GRID2: variants seen among roughly 807,000 people sequenced by gnomAD.
GRID2 encodes glutamate receptor ionotropic, delta-2.
Under a neutral mutation model 114.8 loss-of-function variants are expected in GRID2, and 33 were observed. The observed-to-expected ratio is 0.29, with a 90% CI of 0.22 to 0.38. The LOEUF is 0.38. GRID2 is among the 10% of genes least tolerant of loss of function. The pLI, the probability that GRID2 is intolerant of heterozygous loss-of-function variation, is 1.00. For synonymous variants in GRID2, 505 were observed against 449.9 expected (o/e 1.12, Z -1.55); for missense variants, 1,184 against 1,257.7 (o/e 0.94, Z 0.89).
chr4:93,586,900 C>T (rs946322559), intron 13 of GRID2, among the ~76,000 whole-genome samples: 2 of 151,960 alleles, frequency 1.3e-5, no homozygotes, highest in African/African-American at 4.8e-5. Flanking sequence ...ACATATGTAC[C>T]CTTTTAAAAA....
At chr4:92,744,445 G>A (rs112965967) in intron 2 of GRID2, among the ~76,000 whole-genome samples, 164 of 148,446 alleles carry the variant, frequency 1.1e-3, no homozygotes, top group African/African-American at 4.0e-3. Context: ...CTGAGATCAC[G>A]CTACTGCACT....
intron 14 of GRID2, among the ~76,000 whole-genome samples, chr4:93,725,493 A>C: frequency 6.6e-6 from 1 of 152,094 alleles, no homozygotes; most frequent in Admixed American, 6.5e-5. Flanking sequence ...CTTTGGGTAT[A>C]TACCCAGTAA....
chr4:92,550,318 T>G (rs2149172054), intron 1 of GRID2, among the ~76,000 whole-genome samples: 1 of 152,286 alleles, frequency 6.6e-6, no homozygotes, highest in Admixed American at 6.5e-5. Flanking sequence ...TAGAATAATT[T>G]CCATCTACAA....
intron 2 of GRID2, among the ~76,000 whole-genome samples, chr4:92,859,797 G>A (rs150490475): frequency 5.1e-4 from 77 of 152,232 alleles, no homozygotes; most frequent in African/African-American, 1.8e-3. Context: ...TCAGATAGCA[G>A]CAACTTGCCT....
chr4:92,564,274 C>G (rs1010275099), intron 1 of GRID2, among the ~76,000 whole-genome samples: 2 of 151,792 alleles, frequency 1.3e-5, no homozygotes, highest in African/African-American at 4.8e-5. Context: ...CATAGTCATA[C>G]CCATATGAAA....
chr4:92,429,764 A>C (rs1288317720), intron 1 of GRID2, among the ~76,000 whole-genome samples: 1 of 152,092 alleles, frequency 6.6e-6, no homozygotes, highest in African/African-American at 2.4e-5. Context: ...GCCAGCATTC[A>C]TTATTGCCTG....
chr4:93,228,889 C>T (rs6846025), intron 7 of GRID2, among the ~76,000 whole-genome samples: 6,720 of 152,136 alleles, frequency 0.044, 501 homozygotes, highest in African/African-American at 0.15. Flanking sequence ...CATAATATGT[C>T]AGTATTTTTC....
chr4:93,237,585 T>G (rs964740956), intron 7 of GRID2, among the ~76,000 whole-genome samples: 6 of 151,940 alleles, frequency 3.9e-5, no homozygotes, highest in Admixed American at 3.9e-4. Context: ...GTTAGACATA[T>G]TTTAGCATTG....
intron 2 of GRID2, among the ~76,000 whole-genome samples, chr4:92,963,484 A>G (rs1046450951): frequency 6.6e-6 from 1 of 152,006 alleles, no homozygotes; most frequent in Admixed American, 6.6e-5. Context: ...TTCCTCCATA[A>G]GAAGCAACTC....
intron 14 of GRID2, among the ~76,000 whole-genome samples, chr4:93,643,289 G>A (rs374156093): frequency 3.9e-5 from 1 of 25,562 alleles, no homozygotes; most frequent in Admixed American, 3.3e-4. Flanking sequence ...TAATTTGATC[G>A]TCTGAAGCCT....
chr4:93,494,197 G>T (rs546470171), intron 12 of GRID2, among the ~76,000 whole-genome samples: 5 of 151,888 alleles, frequency 3.3e-5, no homozygotes, highest in African/African-American at 7.2e-5. Context: ...ATATTAATAA[G>T]ATTTGCTCAT....
chr4:92,568,499 G>A (rs973508022), intron 1 of GRID2, among the ~76,000 whole-genome samples: 8 of 152,036 alleles, frequency 5.3e-5, no homozygotes, highest in Admixed American at 3.9e-4. Context: ...TTTTGGTGGC[G>A]GGAATGAGGA....
intron 2 of GRID2, among the ~76,000 whole-genome samples, chr4:92,840,834 A>G (rs923838659): frequency 2.6e-5 from 4 of 152,082 alleles, no homozygotes; most frequent in Non-Finnish European, 5.9e-5. Context: ...CAACTGCAAT[A>G]TTCACATATT....
At chr4:92,575,646 C>G (rs926474848) in intron 1 of GRID2, among the ~76,000 whole-genome samples, 2 of 152,180 alleles carry the variant, frequency 1.3e-5, no homozygotes, top group Non-Finnish European at 2.9e-5. Context: ...AATATGGCAG[C>G]CTGTCCCTTC....
At chr4:92,683,600 C>T (rs1733756614) in intron 2 of GRID2, among the ~76,000 whole-genome samples, 1 of 151,200 alleles carries the variant, frequency 6.6e-6, no homozygotes, top group Non-Finnish European at 1.5e-5. Context: ...TTTTTATAAT[C>T]CTTGAATAAT....
chr4:92,638,375 A>C (rs986821244), intron 2 of GRID2, among the ~76,000 whole-genome samples: 9 of 150,608 alleles, frequency 6.0e-5, no homozygotes, highest in African/African-American at 1.9e-4. Flanking sequence ...TCAGCACCTC[A>C]GTTCCCTCTT....
intron 2 of GRID2, among the ~76,000 whole-genome samples, chr4:92,989,111 A>G (rs1047819363): frequency 5.9e-5 from 9 of 151,874 alleles, no homozygotes; most frequent in Non-Finnish European, 1.0e-4. Context: ...CCCCATCTCT[A>G]CTAAAAATAC....
chr4:93,184,873 C>T (rs1740254454), intron 4 of GRID2, among the ~76,000 whole-genome samples: 1 of 152,012 alleles, frequency 6.6e-6, no homozygotes, highest in South Asian at 2.1e-4. Context: ...CAGAGCAAGA[C>T]TCTGTCTGAA....
At chr4:93,003,102 C>A (rs1721173026) in intron 2 of GRID2, among the ~76,000 whole-genome samples, 1 of 151,838 alleles carries the variant, frequency 6.6e-6, no homozygotes, top group African/African-American at 2.4e-5. Context: ...TTGGCAGTGT[C>A]TTTTGCTATA....
Sources: gnomAD v4.1 joint callset for allele counts (sites outside exome capture counted in the v4.1 genomes callset) on GRCh38, gnomAD v4.1.1 for gene constraint, MANE v1.5 for transcripts, NCBI Gene and HGNC (gene_info 2026-07-23, HGNC 2026-07-21) for gene names.